The following CXCL13 variants were observed in gnomAD, a reference collection of about 807,000 sequenced individuals.
The protein encoded by CXCL13 is C-X-C motif chemokine ligand 13.
CXCL13 carries 7 observed loss-of-function variants against 12.2 expected under a neutral mutation model. The observed-to-expected ratio is 0.57, with a 90% confidence interval of 0.33 to 1.07. The LOEUF (loss-of-function observed/expected upper bound fraction) is 1.07, where lower values mean the gene tolerates loss of function less well. Among genes scored for constraint, CXCL13 ranks in the 50% least tolerant of loss-of-function variants. The probability of loss-of-function intolerance (pLI) is 0.04; values close to 1 mark genes in which losing one functional copy is unlikely to be tolerated. For missense variants in CXCL13, 113 were observed against 127.4 expected (o/e 0.89, Z 0.55); for synonymous variants, 47 against 42.4 (o/e 1.11, Z -0.42).
chr4:77,604,679 G>A (rs1726964113), upstream of CXCL13, among the ~76,000 whole-genome samples: 1 of 152,130 alleles, frequency 6.6e-6, no homozygotes, highest in African/African-American at 2.4e-5. Context: ...CGTTCAGGCT[G>A]ACTGGAGAAC....
chr4:77,568,210 A>T (rs1725982629), intron 1 of CXCL13, among the ~76,000 whole-genome samples: 1 of 152,062 alleles, frequency 6.6e-6, no homozygotes, highest in African/African-American at 2.4e-5. Context: ...TCCAGATTCA[A>T]CTCACTATCC....
chr4:77,549,858 C>G (rs1725463210), intron 1 of CXCL13, among the ~76,000 whole-genome samples: 1 of 152,312 alleles, frequency 6.6e-6, no homozygotes, highest in South Asian at 2.1e-4. Flanking sequence ...CTGGGAGAAC[C>G]ACTGCTCTCT....
chr4:77,563,613 T>C, intron 1 of CXCL13, among the ~76,000 whole-genome samples: 1 of 152,198 alleles, frequency 6.6e-6, no homozygotes, highest in East Asian at 1.9e-4. Flanking sequence ...TTAACTTCTC[T>C]TGAATACAAT....
intron 1 of CXCL13, among the ~76,000 whole-genome samples, chr4:77,569,660 C>T (rs563463311): frequency 5.9e-5 from 9 of 152,190 alleles, no homozygotes; most frequent in East Asian, 5.8e-4. Flanking sequence ...TTCAGGCTCA[C>T]GGATAGGAAG....
intron 1 of CXCL13, among the ~76,000 whole-genome samples, chr4:77,520,732 G>A (rs1194729798): frequency 1.3e-5 from 2 of 152,094 alleles, no homozygotes; most frequent in Admixed American, 6.6e-5. Flanking sequence ...GATTGTCCTG[G>A]CCAGAACTTC....
chr4:77,523,024 T>G (rs1216600473), intron 1 of CXCL13, among the ~76,000 whole-genome samples: 1 of 152,234 alleles, frequency 6.6e-6, no homozygotes, highest in South Asian at 2.1e-4. Context: ...TTTAAGAATG[T>G]TGAATATTGG....
At chr4:77,520,832 G>A (rs1452630951) in intron 1 of CXCL13, among the ~76,000 whole-genome samples, 4 of 152,146 alleles carry the variant, frequency 2.6e-5, no homozygotes, top group African/African-American at 9.7e-5. Flanking sequence ...TGCCCATTCA[G>A]TATGATATTG....
intron 1 of CXCL13, among the ~76,000 whole-genome samples, chr4:77,525,919 TG>T (rs113923041): frequency 0.35 from 50,300 of 142,444 alleles, 11,586 homozygotes; most frequent in African/African-American, 0.67. Flanking sequence ...ATTGTGGGTT[TG>T]TTTTTTTTTT....
At chr4:77,521,944 T>C (rs1276727539) in intron 1 of CXCL13, among the ~76,000 whole-genome samples, 1 of 152,214 alleles carries the variant, frequency 6.6e-6, no homozygotes, top group African/African-American at 2.4e-5. Flanking sequence ...AACATCTTTA[T>C]TTCTGCCTTC....
chr4:77,552,537 G>T (rs1395830203), intron 1 of CXCL13, among the ~76,000 whole-genome samples: 1 of 152,194 alleles, frequency 6.6e-6, no homozygotes, highest in Non-Finnish European at 1.5e-5. Context: ...GCTTATTTAT[G>T]GGGTTCACAG....
intron 1 of CXCL13, among the ~76,000 whole-genome samples, chr4:77,515,295 T>G (rs1380331532): frequency 6.6e-6 from 1 of 152,172 alleles, no homozygotes; most frequent in Non-Finnish European, 1.5e-5. Flanking sequence ...TGTGGGCTCT[T>G]TTTTGGTTCC....
rs1028076026 is a variant in CXCL13 at position 77,574,538 on chromosome 4, C to T, written c.-42-31286C>T. ...TTTCAGGGATGGCTAATAGCAGTTG[C>T]TTACAGTGAGTCATTATTACCACAG... On this transcript the variant is annotated intron_variant, in intron 1 of 4. Coordinates refer to the CXCL13 transcript ENST00000286758. Among the ~76,000 whole-genome samples the T allele has an allele frequency of 1.1e-4, 16 of 151,836 alleles. 1 individual carries two copies. The highest frequency in any genetic ancestry group is 3.6e-4 in the African/African-American group (15 of 41,156).
At chr4:77,608,154 T>C (rs923976094) in intron 2 of CXCL13, among the ~76,000 whole-genome samples, 5 of 152,104 alleles carry the variant, frequency 3.3e-5, no homozygotes, top group Non-Finnish European at 5.9e-5. Flanking sequence ...AGAAAGTGCA[T>C]TAGTGGCCAG....
intron 1 of CXCL13, among the ~76,000 whole-genome samples, chr4:77,588,535 G>A (rs1726534107): frequency 6.6e-6 from 1 of 152,230 alleles, no homozygotes; most frequent in Non-Finnish European, 1.5e-5. Context: ...AGAGAGCACA[G>A]CAGAAGAATT....
chr4:77,581,710 C>T (rs1236165029), intron 1 of CXCL13, among the ~76,000 whole-genome samples: 1 of 152,150 alleles, frequency 6.6e-6, no homozygotes, highest in Non-Finnish European at 1.5e-5. Flanking sequence ...CCTCCCAAAC[C>T]TCTACAATCT....
intron 1 of CXCL13, among the ~76,000 whole-genome samples, chr4:77,558,149 A>T (rs1725709164): frequency 6.6e-6 from 1 of 152,214 alleles, no homozygotes; most frequent in African/African-American, 2.4e-5. Flanking sequence ...GTTTATAAAA[A>T]ATGGCTAGGT....
At chr4:77,576,645 C>T (rs889075649) in intron 1 of CXCL13, among the ~76,000 whole-genome samples, 8 of 151,770 alleles carry the variant, frequency 5.3e-5, no homozygotes, top group Non-Finnish European at 7.3e-5. Context: ...AGAGGATTAC[C>T]CAGCTCATAG....
chr4:77,563,976 C>T (rs968535583), intron 1 of CXCL13, among the ~76,000 whole-genome samples: 2 of 152,122 alleles, frequency 1.3e-5, no homozygotes, highest in Non-Finnish European at 2.9e-5. Context: ...GGGCCAGTTT[C>T]GAGGGCATGT....
chr4:77,595,842 G>A (rs1045005564), intron 1 of CXCL13, among the ~76,000 whole-genome samples: 6 of 152,170 alleles, frequency 3.9e-5, no homozygotes, highest in African/African-American at 1.4e-4. Context: ...AGCAGTTAGA[G>A]GGAAGGACTC....
Sources: gnomAD v4.1 joint callset for allele counts (sites outside exome capture counted in the v4.1 genomes callset) on GRCh38, gnomAD v4.1.1 for gene constraint, MANE v1.5 for transcripts, NCBI Gene and HGNC (gene_info 2026-07-23, HGNC 2026-07-21) for gene names.